The following COL12A1 variants were observed in gnomAD, a reference collection of about 807,000 sequenced individuals.
COL12A1 encodes the protein collagen alpha-1(XII) chain.
Under a neutral mutation model 349.7 loss-of-function variants are expected in COL12A1, and 114 were observed. The ratio of observed to expected loss-of-function variants is 0.33; its 90% CI spans 0.28 to 0.38. The LOEUF is 0.38. Among genes scored for constraint, COL12A1 ranks in the 10% least tolerant of loss-of-function variants. COL12A1 has a pLI of 1.00. For synonymous variants in COL12A1, 1,369 were observed against 1,329.0 expected, an observed-to-expected ratio of 1.03 and a Z score of -0.66; for missense variants, 3,284 against 3,756.9, an observed-to-expected ratio of 0.87 and a Z score of 3.29.
chr6:75,106,579 C>T, intron 52 of COL12A1, 83 bp from the exon 53 acceptor site: 8 of 1,148,010 alleles, frequency 7.0e-6, no homozygotes, highest in Non-Finnish European at 1.0e-5. Flanking sequence ...ACATTGCCAA[C>T]TTCTCACACA....
intron 9 of COL12A1, 47 bp from the exon 10 acceptor site, chr6:75,183,699 T>C: frequency 7.7e-6 from 12 of 1,548,598 alleles, no homozygotes; most frequent in Non-Finnish European, 1.0e-5. Context: ...ATATTAATCA[T>C]TAAAATATAC....
intron 46 of COL12A1, among the ~76,000 whole-genome samples, chr6:75,118,114 G>T (rs1475127504): frequency 1.3e-5 from 2 of 152,152 alleles, no homozygotes; most frequent in African/African-American, 2.4e-5. Context: ...GGGAAAAAAA[G>T]CTATATAAGG....
intron 2 of COL12A1, among the ~76,000 whole-genome samples, chr6:75,200,407 T>C (rs1041115470): frequency 1.3e-5 from 2 of 152,070 alleles, no homozygotes; most frequent in African/African-American, 4.8e-5. Flanking sequence ...ACCCCGTCTC[T>C]ACTAAAAATA....
intron 2 of COL12A1, among the ~76,000 whole-genome samples, chr6:75,198,512 T>C (rs1337437329): frequency 2.0e-5 from 3 of 151,674 alleles, no homozygotes; most frequent in Non-Finnish European, 4.4e-5. Flanking sequence ...TTATTATACA[T>C]ATATACATAA....
At chr6:75,161,117 C>T (rs887795274) in intron 14 of COL12A1, among the ~76,000 whole-genome samples, 30 of 151,968 alleles carry the variant, frequency 2.0e-4, no homozygotes, top group East Asian at 7.7e-4. Flanking sequence ...ACCACGTGGA[C>T]GCACCAGCTC....
chr6:75,127,205 A>T (rs572498547), intron 38 of COL12A1, among the ~76,000 whole-genome samples: 1 of 152,166 alleles, frequency 6.6e-6, no homozygotes, highest in African/African-American at 2.4e-5. Flanking sequence ...TTTCCCCAGG[A>T]AAGTCCCAAA....
At chr6:75,148,539 T>C (rs1276723129) in intron 21 of COL12A1, 42 bp from the exon 22 acceptor site, 2 of 1,541,076 alleles carry the variant, frequency 1.3e-6, no homozygotes, top group Non-Finnish European at 1.8e-6. Context: ...CTCATTATTG[T>C]AGAAAGGTGA....
chr6:75,151,484 C>T (rs762363768), intron 20 of COL12A1, among the ~76,000 whole-genome samples, 197 bp from the exon 21 acceptor site: 2 of 152,090 alleles, frequency 1.3e-5, no homozygotes, highest in Non-Finnish European at 1.5e-5. Flanking sequence ...ACTGAAAGCT[C>T]TTTTAAATTG....
intron 14 of COL12A1, among the ~76,000 whole-genome samples, chr6:75,160,909 C>T (rs1391218683): frequency 6.6e-6 from 1 of 152,200 alleles, no homozygotes; most frequent in African/African-American, 2.4e-5. Flanking sequence ...AACCAAAACA[C>T]TTCTCATAAG....
At chr6:75,138,230 A>G in intron 30 of COL12A1, 90 bp downstream of exon 30, 1 of 1,273,742 alleles carries the variant, frequency 7.9e-7, no homozygotes. Context: ...AAAGCAGATG[A>G]CCTATTTATT....
At chr6:75,155,974 T>C (rs1767737551) in intron 15 of COL12A1, 120 bp from the exon 16 acceptor site, 9 of 1,067,586 alleles carry the variant, frequency 8.4e-6, no homozygotes, top group Middle Eastern at 3.2e-4. Flanking sequence ...TAGCACAAAA[T>C]AGCATGTTCC....
In COL12A1 at chr6:75,105,208, C is replaced by T. The variant is rs1448139543; in HGVS notation, c.8263G>A (p.Ala2755Thr). Residue 2755 changes from alanine to threonine, a missense_variant and splice_region_variant, in exon 54 of 66, where the codon GCA (alanine) becomes ACA (threonine). This residue lies in a region of COL12A1 where 683 missense variants were observed against 932.1 expected (regional missense o/e 0.73). Coordinates refer to ENST00000322507, the MANE Select transcript of COL12A1 (RefSeq NM_004370.6). ...SVGPPGPPGP[A>T]GGPGAKGPRG... Reference sequence around the variant, plus strand: ...AGGATCTATTTCAATTTCCTTACTGCAGGGCCTGGAGGTCCTGGAGGTCCA... The same window carrying T: ...AGGATCTATTTCAATTTCCTTACTGTAGGGCCTGGAGGTCCTGGAGGTCCA... 1 of 1,612,070 alleles carries T rather than the reference C, an allele frequency of 6.2e-7. No homozygotes were observed.
rs762896716 is a variant in COL12A1, at chr6:75,119,382, T to A, written c.7178A>T (p.Asn2393Ile). ...DKALALGALQ[N>I]IRYRGGNTRT... ...TGTGTTTCCTCCTCTGTACCTAATATTCTGGAGGGCCCCAAGGGCTAGGGC... is the reference window on the plus strand; with the variant it reads ...TGTGTTTCCTCCTCTGTACCTAATAATCTGGAGGGCCCCAAGGGCTAGGGC... The change falls in exon 45 of 66, where the codon AAT becomes ATT. Residue 2393 changes from asparagine to isoleucine, a missense_variant. Coordinates refer to ENST00000322507, the MANE Select transcript of COL12A1 (RefSeq NM_004370.6). 1 of 1,613,900 alleles carries A rather than the reference T, an allele frequency of 6.2e-7. No individual in the cohort carries two copies. Among genetic ancestry groups the A allele is most frequent in the Non-Finnish European group, 8.5e-7 (1 of 1,179,898 alleles).
At chr6:75,192,830 G>T (rs1464847468) in intron 3 of COL12A1, among the ~76,000 whole-genome samples, 1 of 152,130 alleles carries the variant, frequency 6.6e-6, no homozygotes, top group Non-Finnish European at 1.5e-5. Context: ...AAAAATCTGT[G>T]TGGAAGCAGT....
chr6:75,101,471 T>G, intron 58 of COL12A1, 129 bp downstream of exon 58: 1 of 827,634 alleles, frequency 1.2e-6, no homozygotes. Flanking sequence ...GACATTAGCT[T>G]TGCAGCTTTG....
rs779038394 is a variant in COL12A1 at position 75,148,366 on chromosome 6, G to T, written c.4279C>A (p.Arg1427Ser). 1 of 1,612,194 alleles carries T rather than the reference G, an allele frequency of 6.2e-7. No homozygotes were observed. Residue 1427 changes from arginine (R) to serine (S), a missense_variant, in exon 22 of 66, where the codon CGT (arginine) becomes AGT (serine). This residue lies in a region of COL12A1 where 2,601 missense variants were observed against 2,824.8 expected (regional missense o/e 0.92). Transcript: ENST00000322507. ...TAGGTGTTCCTACTCACTTCTTGACGTTTCCCTCCAGAAACTGGATAGTAT... is the reference window on the plus strand; with the variant it reads ...TAGGTGTTCCTACTCACTTCTTGACTTTTCCCTCCAGAAACTGGATAGTAT... ...VEYYPVSGGK[R>S]QEFYVSRMET...
At chr6:75,139,014 C>T in intron 27 of COL12A1, 53 bp from the exon 28 acceptor site, 1 of 1,601,588 alleles carries the variant, frequency 6.2e-7, no homozygotes, top group Non-Finnish European at 8.5e-7. Flanking sequence ...GCTGCAAATG[C>T]AATTTAATAT....
At chr6:75,132,106 T>C (rs1056538279) in intron 34 of COL12A1, 24 bp from the exon 35 acceptor site, 1 of 1,612,256 alleles carries the variant, frequency 6.2e-7, no homozygotes, top group Non-Finnish European at 8.5e-7. Flanking sequence ...GGCCAACATC[T>C]ATTTTTTAAG....
At chr6:75,144,391 C>A (rs998795849) in intron 25 of COL12A1, among the ~76,000 whole-genome samples, 6 of 152,130 alleles carry the variant, frequency 3.9e-5, no homozygotes, top group African/African-American at 1.2e-4. Context: ...TTACACTAAC[C>A]CATCCTGTAG....
Sources: gnomAD v4.1 joint callset for allele counts (sites outside exome capture counted in the v4.1 genomes callset) on GRCh38, gnomAD v4.1.1 for gene constraint, gnomAD v4.1.1 regional missense constraint, MANE v1.5 for transcripts, NCBI Gene and HGNC (gene_info 2026-07-23, HGNC 2026-07-21) for gene names.